Variants in RPH3AL observed in about 807,000 individuals in gnomAD.
RPH3AL encodes the protein rabphilin 3A like (without C2 domains).
A neutral mutation model predicts 43.1 loss-of-function variants in RPH3AL; 38 were observed. The ratio of observed to expected loss-of-function variants is 0.88; its 90% CI spans 0.68 to 1.15. RPH3AL has a LOEUF of 1.15. RPH3AL is among the 50% of genes most tolerant of loss of function. The probability of loss-of-function intolerance (pLI) is 0.00; values close to 1 mark genes in which losing one functional copy is unlikely to be tolerated. For missense variants in RPH3AL, 462 were observed against 423.2 expected (o/e 1.09, Z -0.81); for synonymous variants, 189 against 176.3 (o/e 1.07, Z -0.57).
chr17:294,065 T>A (rs1223570453), intron 5 of RPH3AL, among the ~76,000 whole-genome samples: 1 of 151,782 alleles, frequency 6.6e-6, no homozygotes, highest in Non-Finnish European at 1.5e-5. Flanking sequence ...GCAAATCTAA[T>A]AATGTTCAAT....
chr17:345,748 A>G (rs561521302), intron 1 of RPH3AL, among the ~76,000 whole-genome samples: 1 of 122,618 alleles, frequency 8.2e-6, no homozygotes, highest in African/African-American at 2.8e-5. Context: ...CGTGCTCCCC[A>G]TCTGCGTGCA....
chr17:329,389 T>G (rs923582747), intron 2 of RPH3AL, among the ~76,000 whole-genome samples: 1 of 152,230 alleles, frequency 6.6e-6, no homozygotes, highest in Non-Finnish European at 1.5e-5. Context: ...GGCAGGAGAA[T>G]TGCTTGAACC....
intron 6 of RPH3AL, among the ~76,000 whole-genome samples, chr17:263,447 A>T (rs2042247158): frequency 6.6e-6 from 1 of 152,226 alleles, no homozygotes. Flanking sequence ...CAGCACGTGG[A>T]CGAACAGGCA....
rs2044538730 is a variant in RPH3AL, at chr17:323,584, G to T, written c.78-2169C>A. Among the ~76,000 whole-genome samples the T allele has an allele frequency of 6.6e-6, 1 of 152,144 alleles. No individual in the cohort carries two copies. The highest frequency in any genetic ancestry group is 1.5e-5 in the Non-Finnish European group (1 of 68,008). ...CCAGGGGAAGGGAGTTGGAAGCCAG[G>T]GCCCCCAGGTTCAGGGAATCACCAC... is the stretch of plus-strand genomic sequence containing the variant. On this transcript the variant is annotated intron_variant, in intron 3 of 9. Coordinates refer to ENST00000331302, the MANE Select transcript of RPH3AL (RefSeq NM_006987.4). This position sits in a 1 kb window ranked among gnomAD's most constrained non-coding sequence, Gnocchi z 4.4.
Position 263,762 on chromosome 17 carries a change from T to A in RPH3AL, c.439-16477A>T, listed in dbSNP as rs141273405. Among the ~76,000 whole-genome samples the A allele has an allele frequency of 3.0e-4, 45 of 152,306 alleles. No homozygotes were observed. In the East Asian group the frequency reaches 8.5e-3, roughly 29 times the overall value. ...TAAAATTTCCTGCCATGGAAGAGAC[T>A]TTGTGAAGTTACGGTTAGTTTGAGA... On this transcript the variant is annotated intron_variant, in intron 6 of 9. Coordinates refer to ENST00000331302, the MANE Select transcript of RPH3AL (RefSeq NM_006987.4).
rs1372278247 is a variant in RPH3AL at position 328,708 on chromosome 17, T to C, written c.-36-1129A>G. ...TGCTATATCCATACGATGATTATTA[T>C]TTACAATGGATTATGATTTACAATG... On this transcript the variant is annotated intron_variant, in intron 2 of 9. Transcript: ENST00000331302. The surrounding 1 kb of genome is among the most constrained non-coding windows in gnomAD (Gnocchi z 4.2). Among the ~76,000 whole-genome samples, 1 of 151,974 alleles carries C rather than the reference T, an allele frequency of 6.6e-6. No individual in the cohort carries two copies. Among genetic ancestry groups the C allele is most frequent in the African/African-American group, 2.4e-5 (1 of 41,246 alleles).
chr17:264,343 C>T lies in RPH3AL; in HGVS notation c.439-17058G>A, dbSNP rs12948262. The stretch of plus-strand genomic sequence containing the variant: ...AGCAGGATTACCCTTCGGAGCCGTG[C>T]GCGCTGGATGGGGACTCAGAATCCG... On this transcript the variant is annotated intron_variant, in intron 6 of 9. Coordinates refer to ENST00000331302, the MANE Select transcript of RPH3AL (RefSeq NM_006987.4). The surrounding 1 kb of genome is among the most constrained non-coding windows in gnomAD (Gnocchi z 4.8). Among the ~76,000 whole-genome samples, 56 of 54,614 alleles carry T rather than the reference C, an allele frequency of 1.0e-3. 2 individuals carry two copies. Among genetic ancestry groups the T allele is most frequent in the Admixed American group, 0.01 (56 of 5,518 alleles). The allele number at this position is 54,614 out of a possible 152,430, so 35.8% of individuals were successfully genotyped here. A position where few individuals can be genotyped will look rare whatever the true frequency, so the allele number is the denominator to read the frequency against.
At chr17:326,964 G>A (rs2044635220) in intron 3 of RPH3AL, among the ~76,000 whole-genome samples, 1 of 152,260 alleles carries the variant, frequency 6.6e-6, no homozygotes, top group East Asian at 1.9e-4. Context: ...GGGGCTGGTT[G>A]TGCTTCAGCC....
In RPH3AL at chr17:247,000, A is replaced by C; in HGVS notation, c.613+111T>G. On this transcript the variant is annotated intron_variant, in intron 7 of 9. Coordinates refer to ENST00000331302, the MANE Select transcript of RPH3AL (RefSeq NM_006987.4). The surrounding 1 kb of genome is among the most constrained non-coding windows in gnomAD (Gnocchi z 4.8). ...CAGGGAGGGACGCATCACCAGAATGAGCCTCGTGGATGGAGGGTGCGGGGG... is the reference window on the plus strand; with the variant it reads ...CAGGGAGGGACGCATCACCAGAATGCGCCTCGTGGATGGAGGGTGCGGGGG... The C allele has an allele frequency of 8.6e-7, 1 of 1,159,258 alleles. No homozygotes were observed. 71.8% of individuals were successfully genotyped at this position (1,159,258 alleles called of 1,614,324 possible). A position where few individuals can be genotyped will look rare whatever the true frequency, so the allele number is the denominator to read the frequency against.
intron 2 of RPH3AL, 122 bp from the exon 3 acceptor site, chr17:327,701 T>C (rs2044651553): frequency 1.6e-6 from 1 of 619,300 alleles, no homozygotes; most frequent in Non-Finnish European, 2.9e-6. Flanking sequence ...CACTGATGCC[T>C]GGAATCTCAC....
intron 6 of RPH3AL, among the ~76,000 whole-genome samples, chr17:260,136 G>A (rs944273346): frequency 6.6e-6 from 1 of 152,142 alleles, no homozygotes; most frequent in Non-Finnish European, 1.5e-5. Context: ...CCAACCCCAC[G>A]AGTCACAGCA....
intron 5 of RPH3AL, among the ~76,000 whole-genome samples, chr17:310,270 C>G (rs1015166410): frequency 6.6e-6 from 1 of 152,146 alleles, no homozygotes; most frequent in African/African-American, 2.4e-5. Context: ...GGCAGGCAGT[C>G]GAGGCATGCA....
chr17:317,060 C>A (rs1178510507), intron 5 of RPH3AL, among the ~76,000 whole-genome samples: 163 of 144,518 alleles, frequency 1.1e-3, no homozygotes, highest in African/African-American at 4.1e-3. Context: ...TGTGCCCCAC[C>A]TCCACTGACC....
chr17:248,074 G>T lies in RPH3AL; in HGVS notation c.439-789C>A, dbSNP rs1345093728. Among the ~76,000 whole-genome samples, 3 of 152,240 alleles carry T rather than the reference G, an allele frequency of 2.0e-5. No homozygotes were observed. In the East Asian group the frequency reaches 5.8e-4, roughly 29 times the overall value. On this transcript the variant is annotated intron_variant, in intron 6 of 9. Coordinates refer to ENST00000331302, the MANE Select transcript of RPH3AL (RefSeq NM_006987.4). Reference sequence around the variant, plus strand: ...GGGCACCTTCTCTTGCTGGCCCAAGGCAGAGAGCTGCATGGGATGGACTCT... The same window carrying T: ...GGGCACCTTCTCTTGCTGGCCCAAGTCAGAGAGCTGCATGGGATGGACTCT...
chr17:335,400 A>G (rs923029370), intron 1 of RPH3AL, among the ~76,000 whole-genome samples: 4 of 151,970 alleles, frequency 2.6e-5, no homozygotes, highest in Admixed American at 1.3e-4. Context: ...GCTCAAGTGC[A>G]TTTTCCACAC....
At position 246,028 on chromosome 17, in the gene RPH3AL, G is replaced by A. The variant is rs1010848888; in HGVS notation, c.613+1083C>T. On this transcript the variant is annotated intron_variant, in intron 7 of 9. Coordinates refer to ENST00000331302, the MANE Select transcript of RPH3AL (RefSeq NM_006987.4). The surrounding 1 kb of genome is among the most constrained non-coding windows in gnomAD (Gnocchi z 4.8). ...GGCTGCACACCAAGGCACAGATGCC[G>A]ACCTACCTGGCAGGTCCACGTATGG... is the stretch of plus-strand genomic sequence containing the variant. Among the ~76,000 whole-genome samples the A allele has an allele frequency of 1.3e-5, 2 of 152,160 alleles. No homozygotes were observed. The highest frequency in any genetic ancestry group is 4.8e-5 in the African/African-American group (2 of 41,430).
intron 5 of RPH3AL, among the ~76,000 whole-genome samples, chr17:312,971 G>T (rs1374920158): frequency 6.6e-6 from 1 of 152,192 alleles, no homozygotes; most frequent in African/African-American, 2.4e-5. Context: ...CTGGGCAGGA[G>T]CCCCCAGCAC....
rs893860937 is a variant in RPH3AL, at chr17:283,209, C to G, written c.352-1355G>C. Among the ~76,000 whole-genome samples the G allele has an allele frequency of 6.6e-6, 1 of 152,168 alleles. No homozygotes were observed. The highest frequency in any genetic ancestry group is 2.4e-5 in the African/African-American group (1 of 41,428). ...GGTTGCATCTGTTGCTTGGCCTTTTCTGCAGGCTGCCAACTCAGCAAGGAG... is the reference window on the plus strand; with the variant it reads ...GGTTGCATCTGTTGCTTGGCCTTTTGTGCAGGCTGCCAACTCAGCAAGGAG... On this transcript the variant is annotated intron_variant, in intron 5 of 9. Transcript: ENST00000331302. The surrounding 1 kb of genome is among the most constrained non-coding windows in gnomAD (Gnocchi z 4.2).
intron 5 of RPH3AL, among the ~76,000 whole-genome samples, chr17:291,174 A>G (rs936573150): frequency 6.6e-6 from 1 of 152,194 alleles, no homozygotes; most frequent in Non-Finnish European, 1.5e-5. Context: ...TATTCTAAGA[A>G]TGCCGAAAAC....
Sources: gnomAD v4.1 joint callset for allele counts (sites outside exome capture counted in the v4.1 genomes callset) on GRCh38, gnomAD v4.1.1 for gene constraint, Gnocchi (gnomAD v3.1) non-coding constraint, MANE v1.5 for transcripts, NCBI Gene and HGNC (gene_info 2026-07-23, HGNC 2026-07-21) for gene names.